The following DPP6 variants were observed in gnomAD, a reference collection of about 807,000 sequenced individuals.
DPP6 encodes A-type potassium channel modulatory protein DPP6.
DPP6 carries 69 observed loss-of-function variants against 122.6 expected under a neutral mutation model. That is an observed-to-expected ratio of 0.56 (90% CI 0.46 to 0.69). The LOEUF (loss-of-function observed/expected upper bound fraction) is 0.69, where lower values mean the gene tolerates loss of function less well. DPP6 is among the 30% of genes least tolerant of loss of function. The pLI is 0.00. For missense variants in DPP6, 928 were observed against 1,116.9 expected (o/e 0.83, Z 2.41); for synonymous variants, 418 against 433.1 (o/e 0.97, Z 0.43).
At chr7:154,704,186 A>G (rs1415185481) in intron 7 of DPP6, among the ~76,000 whole-genome samples, 1 of 152,230 alleles carries the variant, frequency 6.6e-6, no homozygotes. Flanking sequence ...GTCACTGCAG[A>G]TGTGATAAAA....
intron 2 of DPP6, among the ~76,000 whole-genome samples, chr7:154,459,820 A>AAAAAG (rs1278707804): frequency 8.3e-4 from 123 of 148,872 alleles, no homozygotes; most frequent in Middle Eastern, 3.5e-3. Flanking sequence ...AAAAAAAAAA[A>AAAAAG]AAAAGAAAAG....
chr7:154,046,140 C>A (rs1033287461), intron 1 of DPP6, among the ~76,000 whole-genome samples: 2 of 152,210 alleles, frequency 1.3e-5, no homozygotes, highest in African/African-American at 4.8e-5. Context: ...TCTGGCTTAG[C>A]CCCAGGCTGT....
intron 1 of DPP6, among the ~76,000 whole-genome samples, chr7:153,977,200 T>G (rs1335539858): frequency 4.3e-5 from 6 of 140,182 alleles, no homozygotes; most frequent in Admixed American, 3.4e-4. Context: ...CCAATAGGGG[T>G]GTGTGTGTGT....
At chr7:154,698,592 T>G (rs1333545533) in intron 7 of DPP6, among the ~76,000 whole-genome samples, 1 of 152,330 alleles carries the variant, frequency 6.6e-6, no homozygotes, top group Middle Eastern at 3.4e-3. Context: ...TTTAATTATA[T>G]TCTATAGTTA....
the DPP6 span, among the ~76,000 whole-genome samples, chr7:153,791,789 CTATAA>C: frequency 0.013 from 1,947 of 152,200 alleles, 16 homozygotes; most frequent in African/African-American, 0.045. Context: ...CTACTTAGTC[CTATAA>C]TATAACTGAA....
intron 1 of DPP6, among the ~76,000 whole-genome samples, chr7:154,067,450 C>T (rs1277459969): frequency 8.6e-5 from 13 of 151,790 alleles, no homozygotes; most frequent in African/African-American, 3.1e-4. Flanking sequence ...GCAACAACCC[C>T]ATGGTTATCA....
At chr7:154,741,224 C>T (rs1469128102) in intron 8 of DPP6, among the ~76,000 whole-genome samples, 1 of 152,152 alleles carries the variant, frequency 6.6e-6, no homozygotes, top group East Asian at 1.9e-4. Context: ...ATCATTGCAC[C>T]GAGTGGGAGA....
chr7:153,980,199 A>G (rs572030577), intron 1 of DPP6, among the ~76,000 whole-genome samples: 83 of 152,252 alleles, frequency 5.5e-4, no homozygotes, highest in African/African-American at 2.0e-3. Context: ...TTGGTAGGCT[A>G]TTAATTACTG....
chr7:154,885,724 T>A lies in DPP6; in HGVS notation c.2225T>A (p.Ile742Lys). The A allele has an allele frequency of 1.3e-6, 2 of 1,596,572 alleles. No homozygotes were observed. Among genetic ancestry groups the A allele is most frequent in the Non-Finnish European group, 8.5e-7 (1 of 1,171,644 alleles). Residue 742 changes from isoleucine (I) to lysine (K), a missense_variant, in exon 22 of 26, where the codon ATA becomes AAA. Coordinates refer to ENST00000377770, the MANE Select transcript of DPP6 (RefSeq NM_130797.4). The part of the protein sequence containing the change: ...TFTCGSALSP[I>K]TDFKLYASAF... Reference sequence around the variant, plus strand: ...ACCTGCGGCTCTGCTCTCTCTCCAATAACAGACTTCAAACTCTATGGTAAA... The same window carrying A: ...ACCTGCGGCTCTGCTCTCTCTCCAAAAACAGACTTCAAACTCTATGGTAAA...
At chr7:154,474,515 T>C (rs772991559) in intron 2 of DPP6, among the ~76,000 whole-genome samples, 6 of 152,236 alleles carry the variant, frequency 3.9e-5, no homozygotes, top group Admixed American at 2.0e-4. Flanking sequence ...ATTTTCTGTG[T>C]CTTTGAATTC....
chr7:153,789,159 T>G, the DPP6 span, among the ~76,000 whole-genome samples: 1 of 152,272 alleles, frequency 6.6e-6, no homozygotes, highest in South Asian at 2.1e-4. Flanking sequence ...TGTCCAAAAT[T>G]TCAAGTGGTG....
At chr7:154,804,075 A>G (rs2150456680) in intron 14 of DPP6, 120 bp downstream of exon 14, 1 of 1,213,768 alleles carries the variant, frequency 8.2e-7, no homozygotes, top group South Asian at 1.4e-5. Context: ...CTCCTCAGGC[A>G]GCATCACTGA....
chr7:154,016,592 A>G (rs546881967), intron 1 of DPP6, among the ~76,000 whole-genome samples: 5 of 152,086 alleles, frequency 3.3e-5, no homozygotes, highest in Non-Finnish European at 5.9e-5. Flanking sequence ...GCAAGACCCC[A>G]AGTCTACAAA....
At chr7:153,804,115 T>C in the DPP6 span, among the ~76,000 whole-genome samples, 3 of 151,720 alleles carry the variant, frequency 2.0e-5, no homozygotes, top group African/African-American at 7.3e-5. Flanking sequence ...AGTGGTGTGA[T>C]CTCGACTCGC....
chr7:154,777,965 G>A (rs1248721848), intron 10 of DPP6, among the ~76,000 whole-genome samples: 3 of 152,154 alleles, frequency 2.0e-5, no homozygotes, highest in Admixed American at 2.0e-4. Context: ...GCAGCTCCTG[G>A]CACAGAAGCA....
chr7:154,312,600 G>A (rs1001593242), intron 1 of DPP6, among the ~76,000 whole-genome samples: 6 of 152,184 alleles, frequency 3.9e-5, no homozygotes, highest in African/African-American at 1.4e-4. Context: ...AACAATATCT[G>A]TATGTGCGCC....
chr7:154,092,866 A>T (rs540313227), intron 1 of DPP6: 6 of 152,274 alleles, frequency 3.9e-5, no homozygotes, highest in Non-Finnish European at 8.8e-5. Context: ...AATGGTTGTC[A>T]GATGGCAATC....
chr7:154,841,343 T>C (rs1801524774), intron 16 of DPP6, among the ~76,000 whole-genome samples: 1 of 142,136 alleles, frequency 7.0e-6, no homozygotes. Flanking sequence ...CCCTGTAGCC[T>C]TTGCCCCCCT....
chr7:154,699,797 C>T (rs1451793902), intron 7 of DPP6, among the ~76,000 whole-genome samples: 3 of 152,210 alleles, frequency 2.0e-5, no homozygotes, highest in African/African-American at 7.2e-5. Flanking sequence ...ATGGGCAGGG[C>T]GACCTTGGGT....
Sources: gnomAD v4.1 joint callset for allele counts (sites outside exome capture counted in the v4.1 genomes callset) on GRCh38, gnomAD v4.1.1 for gene constraint, MANE v1.5 for transcripts, NCBI Gene and HGNC (gene_info 2026-07-23, HGNC 2026-07-21) for gene names.